ZFP36L1: variants seen among roughly 807,000 people sequenced by gnomAD.
ZFP36L1 encodes the protein mRNA decay activator protein ZFP36L1.
A neutral mutation model predicts 16.7 loss-of-function variants in ZFP36L1; 4 were observed. The ratio of observed to expected loss-of-function variants is 0.24; its 90% confidence interval spans 0.12 to 0.55. ZFP36L1 has a LOEUF of 0.55. Ranked by LOEUF, ZFP36L1 falls within the 20% of genes least tolerant of loss-of-function variation. ZFP36L1 has a pLI of 0.94. For missense variants in ZFP36L1, 311 were observed against 449.2 expected (o/e 0.69, Z 2.78); for synonymous variants, 220 against 190.8 (o/e 1.15, Z -1.26).
upstream of ZFP36L1, chr14:68,793,332 C>G: frequency 1.0e-6 from 1 of 998,810 alleles, no homozygotes; most frequent in Non-Finnish European, 1.2e-6. Context: ...TTTTTTTTTT[C>G]TTTAAGAGGA....
At chr14:68,791,612 C>G (rs1895072163) in intron 1 of ZFP36L1, among the ~76,000 whole-genome samples, 1 of 150,238 alleles carries the variant, frequency 6.7e-6, no homozygotes, top group Non-Finnish European at 1.5e-5. Flanking sequence ...GGAACCCAGT[C>G]GAGAGCTGGT....
chr14:68,793,669 G>C (rs1164593116), upstream of ZFP36L1: 1 of 985,408 alleles, frequency 1.0e-6, no homozygotes, highest in African/African-American at 1.7e-5. Context: ...ACTTCTCTTC[G>C]ACACTCGGCT....
upstream of ZFP36L1, chr14:68,793,918 GTGT>G: frequency 1.0e-6 from 1 of 973,424 alleles, no homozygotes; most frequent in South Asian, 4.8e-5. Context: ...CGCTCTCCGG[GTGT>G]GGGCGGGTGG....
chr14:68,795,846 C>T (rs1053168579), upstream of ZFP36L1: 1 of 553,010 alleles, frequency 1.8e-6, no homozygotes, highest in Non-Finnish European at 3.6e-6. Flanking sequence ...GAGCGAGTCC[C>T]TTAACCCTTC....
At chr14:68,795,461 G>A (rs1215515305), upstream of ZFP36L1, among the ~76,000 whole-genome samples, 1 of 152,218 alleles carries the variant, frequency 6.6e-6, no homozygotes, top group Non-Finnish European at 1.5e-5. Flanking sequence ...CCCAGGGCCT[G>A]TCCCCGCGGG....
At chr14:68,795,714 C>T (rs965724457), upstream of ZFP36L1, 3 of 503,592 alleles carry the variant, frequency 6.0e-6, no homozygotes, top group African/African-American at 2.0e-5. Context: ...GTTTACCGGC[C>T]CCGCCGACCA....
chr14:68,792,931 G>T lies in ZFP36L1; in HGVS notation c.8C>A (p.Thr3Asn). The change falls in exon 1 of 2, where the codon ACC becomes AAC. Residue 3 changes from threonine to asparagine, a missense_variant. Transcript: ENST00000439696. ...GAAGATGGTGGCAGACACGAGGGTG[G>T]TGGTCATCCTGTGCGTTCGCGCGAG... is the stretch of plus-strand genomic sequence containing the variant. MT[T>N]TLVSATIFDL... is the part of the protein sequence containing the mutation. 6.2e-7 allele frequency: 1 copy of T among 1,613,988 alleles called. No homozygotes were observed. Among genetic ancestry groups the T allele is most frequent in the African/African-American group, 1.3e-5 (1 of 75,038 alleles).
upstream of ZFP36L1, chr14:68,796,106 G>T (rs759808327): frequency 7.3e-7 from 1 of 1,362,906 alleles, no homozygotes; most frequent in South Asian, 1.1e-5. Flanking sequence ...GGAGGCGGTG[G>T]GCCGGCTCCT....
intron 1 of ZFP36L1, 119 bp downstream of exon 1, chr14:68,792,763 A>C: frequency 7.1e-7 from 1 of 1,403,428 alleles, no homozygotes; most frequent in Non-Finnish European, 1.0e-6. Context: ...CGGAGGAGAA[A>C]AGAATCATCT....
At chr14:68,791,847 C>G (rs1895080252) in intron 1 of ZFP36L1, among the ~76,000 whole-genome samples, 1 of 152,212 alleles carries the variant, frequency 6.6e-6, no homozygotes, top group Admixed American at 6.5e-5. Flanking sequence ...TGCACCCCAA[C>G]CCTGCAGCCC....
rs1310078964 is a variant in ZFP36L1, at chr14:68,789,475, T to C, written c.*58A>G. 4.4e-6 allele frequency: 7 copies of C among 1,607,750 alleles called. No individual in the cohort carries two copies. Among genetic ancestry groups the C allele is most frequent in the African/African-American group, 4.0e-5 (3 of 74,680 alleles). On this transcript the variant is annotated 3_prime_UTR_variant, in exon 2 of 2. Transcript: ENST00000439696. This position sits in a 1 kb window ranked among gnomAD's most constrained non-coding sequence, Gnocchi z 4.5. ...TGGGATGGGTAGGGAGAAGAGGGTA[T>C]GGGATGTGGGTGCAGGGTAGGGGCT...
At chr14:68,793,845 G>A (rs111632270), upstream of ZFP36L1, 1 of 984,826 alleles carries the variant, frequency 1.0e-6, no homozygotes, top group South Asian at 4.7e-5. Flanking sequence ...GGTCTGGCGG[G>A]GGCGAGCGCG....
chr14:68,795,468 C>A (rs1895225940), upstream of ZFP36L1, among the ~76,000 whole-genome samples: 1 of 152,238 alleles, frequency 6.6e-6, no homozygotes, highest in African/African-American at 2.4e-5. Flanking sequence ...CCTGTCCCCG[C>A]GGGGCACCGG....
chr14:68,794,301 C>T (rs999910057), upstream of ZFP36L1: 2 of 152,230 alleles, frequency 1.3e-5, no homozygotes, highest in African/African-American at 4.8e-5. Flanking sequence ...TGGCTTGTCA[C>T]GCTGCGCCGT....
chr14:68,794,969 CTGCTGCCCTCCAGCCGTCTGT>C (rs1252891746), upstream of ZFP36L1, among the ~76,000 whole-genome samples: 3 of 152,352 alleles, frequency 2.0e-5, no homozygotes, highest in Non-Finnish European at 1.5e-5. Context: ...GCTTGTTCTG[CTGCTGCCCTCCAGCCGTCTGT>C]TGCTTCCCTC....
At chr14:68,791,593 A>G (rs528225601) in intron 1 of ZFP36L1, among the ~76,000 whole-genome samples, 53 of 151,796 alleles carry the variant, frequency 3.5e-4, no homozygotes, top group African/African-American at 1.3e-3. Context: ...CCCCACCGAG[A>G]GGATTACAGG....
At chr14:68,792,680 C>A (rs568010441) in intron 1 of ZFP36L1, among the ~76,000 whole-genome samples, 1 of 152,112 alleles carries the variant, frequency 6.6e-6, no homozygotes, top group Admixed American at 6.5e-5. Flanking sequence ...CACATGTAAT[C>A]CCCGCCAGCA....
In ZFP36L1 at chr14:68,793,067, C is replaced by G; in HGVS notation, c.-129G>C. 1 of 1,580,282 alleles carries G rather than the reference C, an allele frequency of 6.3e-7. No homozygotes were observed. Among genetic ancestry groups the G allele is most frequent in the Non-Finnish European group, 8.6e-7 (1 of 1,168,244 alleles). On this transcript the variant is annotated 5_prime_UTR_variant, in exon 1 of 2. Transcript: ENST00000439696. Reference sequence around the variant, plus strand: ...CCGGCGCCCCTCGCCTTTCTGACTCCGGGCTGGGGCGCGCAAAGCCCAATT... The same window carrying G: ...CCGGCGCCCCTCGCCTTTCTGACTCGGGGCTGGGGCGCGCAAAGCCCAATT...
chr14:68,793,199 T>G (rs1207248017), upstream of ZFP36L1: 11 of 822,186 alleles, frequency 1.3e-5, no homozygotes, highest in African/African-American at 1.1e-4. Flanking sequence ...GAATCAGCCA[T>G]GCGGTCAGGC....
Sources: gnomAD v4.1 joint callset for allele counts (sites outside exome capture counted in the v4.1 genomes callset) on GRCh38, gnomAD v4.1.1 for gene constraint, Gnocchi (gnomAD v3.1) non-coding constraint, MANE v1.5 for transcripts, NCBI Gene and HGNC (gene_info 2026-07-23, HGNC 2026-07-21) for gene names.